SLC8A1: variants seen among roughly 807,000 people sequenced by gnomAD.
The protein encoded by SLC8A1 is solute carrier family 8 member A1, also known as sodium/calcium exchanger 1.
Under a neutral mutation model 68.3 loss-of-function variants are expected in SLC8A1, and 18 were observed. The observed-to-expected ratio is 0.26, with a 90% CI of 0.18 to 0.39. The LOEUF (loss-of-function observed/expected upper bound fraction) is 0.39. Ranked by LOEUF, SLC8A1 falls within the 10% of genes least tolerant of loss-of-function variation. The pLI, the probability that SLC8A1 is intolerant of heterozygous loss-of-function variation, is 1.00. For missense variants in SLC8A1, 985 were observed against 1,156.7 expected (o/e 0.85, Z 2.15); for synonymous variants, 475 against 415.5 (o/e 1.14, Z -1.74).
intron 2 of SLC8A1, among the ~76,000 whole-genome samples, chr2:40,302,029 A>ATGTG (rs1405381831): frequency 3.6e-5 from 3 of 83,948 alleles, no homozygotes; most frequent in Admixed American, 2.5e-4. Flanking sequence ...CACCGGGCTA[A>ATGTG]TCTGTGTGTG....
At chr2:40,363,255 G>A (rs1461554599) in intron 2 of SLC8A1, among the ~76,000 whole-genome samples, 2 of 151,910 alleles carry the variant, frequency 1.3e-5, no homozygotes, top group African/African-American at 4.8e-5. Context: ...AAAGCTCATT[G>A]ACAAAAGACT....
At chr2:40,387,628 A>G (rs535859153) in intron 2 of SLC8A1, among the ~76,000 whole-genome samples, 9 of 151,358 alleles carry the variant, frequency 5.9e-5, no homozygotes, top group Non-Finnish European at 1.0e-4. Context: ...TAGACTTATC[A>G]GGAGGATATT....
At chr2:40,467,612 A>C (rs1216640922) in intron 1 of SLC8A1, among the ~76,000 whole-genome samples, 7 of 152,138 alleles carry the variant, frequency 4.6e-5, no homozygotes. Context: ...ATTAAAGGTC[A>C]TATAGTATGT....
At chr2:40,263,997 T>G (rs2065038418) in intron 2 of SLC8A1, among the ~76,000 whole-genome samples, 1 of 151,852 alleles carries the variant, frequency 6.6e-6, no homozygotes, top group East Asian at 1.9e-4. Flanking sequence ...TCAAACAAAT[T>G]TACAAGAAAA....
intron 2 of SLC8A1, among the ~76,000 whole-genome samples, chr2:40,373,911 A>C (rs894804156): frequency 6.6e-6 from 1 of 152,134 alleles, no homozygotes; most frequent in Non-Finnish European, 1.5e-5. Context: ...TCTTCCAAAC[A>C]AGTGTGCATA....
chr2:40,268,234 T>G (rs1022273064), intron 2 of SLC8A1, among the ~76,000 whole-genome samples: 3 of 152,092 alleles, frequency 2.0e-5, no homozygotes, highest in Non-Finnish European at 2.9e-5. Context: ...CATTAAAAAC[T>G]TAGAATGCTT....
chr2:40,490,771 A>G (rs1035445226), intron 1 of SLC8A1, among the ~76,000 whole-genome samples: 1 of 152,124 alleles, frequency 6.6e-6, no homozygotes, highest in Non-Finnish European at 1.5e-5. Flanking sequence ...AACACTAGTG[A>G]AAAGAATCAA....
chr2:40,452,538 G>A (rs1702688985), upstream of SLC8A1, among the ~76,000 whole-genome samples: 1 of 152,078 alleles, frequency 6.6e-6, no homozygotes, highest in South Asian at 2.1e-4. Flanking sequence ...ACAGAACCCT[G>A]ACCCCCAATT....
intron 4 of SLC8A1, among the ~76,000 whole-genome samples, chr2:40,169,239 A>G (rs2047053452): frequency 6.6e-6 from 1 of 152,226 alleles, no homozygotes; most frequent in South Asian, 2.1e-4. Context: ...AGAGTCTTCA[A>G]TGTAGTCACA....
At chr2:40,264,145 A>G (rs1417238281) in intron 2 of SLC8A1, among the ~76,000 whole-genome samples, 17 of 151,936 alleles carry the variant, frequency 1.1e-4, no homozygotes, top group Non-Finnish European at 2.1e-4. Flanking sequence ...CAAAACCACA[A>G]TGAGATACCA....
chr2:40,380,841 G>A (rs1681511412), intron 2 of SLC8A1, among the ~76,000 whole-genome samples: 1 of 152,200 alleles, frequency 6.6e-6, no homozygotes. Flanking sequence ...GTTACCAGGT[G>A]TCCTACTTCT....
At chr2:40,377,322 T>C (rs938428216) in intron 2 of SLC8A1, among the ~76,000 whole-genome samples, 1 of 152,034 alleles carries the variant, frequency 6.6e-6, no homozygotes, top group African/African-American at 2.4e-5. Flanking sequence ...ACCCCAAGCA[T>C]CACATAAGAC....
chr2:40,132,583 C>G (rs548049457), intron 7 of SLC8A1, among the ~76,000 whole-genome samples: 1 of 151,546 alleles, frequency 6.6e-6, no homozygotes, highest in East Asian at 2.0e-4. Context: ...TTTAAGTATT[C>G]TACAGAATAT....
chr2:40,451,026 A>G (rs1402886735), intron 1 of SLC8A1, among the ~76,000 whole-genome samples: 2 of 152,184 alleles, frequency 1.3e-5, no homozygotes, highest in Non-Finnish European at 2.9e-5. Flanking sequence ...AGAATCAAGG[A>G]TGCACACGTA....
intron 1 of SLC8A1, among the ~76,000 whole-genome samples, chr2:40,438,383 T>G (rs1699856662): frequency 6.6e-6 from 1 of 152,158 alleles, no homozygotes; most frequent in Non-Finnish European, 1.5e-5. Context: ...TAAAAATCTG[T>G]ATATATAGTG....
chr2:40,301,526 A>C (rs748023285), intron 2 of SLC8A1, among the ~76,000 whole-genome samples: 1 of 152,180 alleles, frequency 6.6e-6, no homozygotes, highest in Non-Finnish European at 1.5e-5. Flanking sequence ...CTCACTCATA[A>C]ATGGGAGCTA....
At chr2:40,481,105 T>G (rs1004471292) in intron 1 of SLC8A1, among the ~76,000 whole-genome samples, 53 of 152,338 alleles carry the variant, frequency 3.5e-4, no homozygotes, top group African/African-American at 1.3e-3. Flanking sequence ...GCATATTTTC[T>G]TGTGTGTGTT....
At chr2:40,234,068 A>G (rs1418881660) in intron 2 of SLC8A1, among the ~76,000 whole-genome samples, 2 of 152,152 alleles carry the variant, frequency 1.3e-5, no homozygotes, top group Non-Finnish European at 2.9e-5. Context: ...CTTAGGACTG[A>G]CTTGGTGATG....
chr2:40,148,683 G>A (rs569353323), intron 6 of SLC8A1, among the ~76,000 whole-genome samples: 7 of 152,218 alleles, frequency 4.6e-5, no homozygotes, highest in Non-Finnish European at 8.8e-5. Flanking sequence ...GATCCTGTGT[G>A]CCTCAGTTTC....
Sources: allele counts gnomAD v4.1 joint callset (sites outside exome capture counted in the v4.1 genomes callset), GRCh38; gene constraint gnomAD v4.1.1; transcripts MANE v1.5; gene names NCBI Gene and HGNC (gene_info 2026-07-23, HGNC 2026-07-21).